Variants in RIMS4 observed in about 807,000 individuals in gnomAD.
RIMS4 encodes the protein regulating synaptic membrane exocytosis protein 4.
Under a neutral mutation model 29.0 loss-of-function variants are expected in RIMS4, and 9 were observed. The observed-to-expected ratio is 0.31, with a 90% CI of 0.19 to 0.54. The LOEUF (loss-of-function observed/expected upper bound fraction) is 0.54. Ranked by LOEUF, RIMS4 falls within the 20% of genes least tolerant of loss-of-function variation. The probability of loss-of-function intolerance (pLI) is 0.94; values close to 1 mark genes in which losing one functional copy is unlikely to be tolerated. For synonymous variants in RIMS4, 130 were observed against 152.9 expected (o/e 0.85, Z 1.10); for missense variants, 193 against 365.7 (o/e 0.53, Z 3.85).
intron 1 of RIMS4, among the ~76,000 whole-genome samples, chr20:44,790,726 G>T (rs1394778461): frequency 6.6e-6 from 1 of 152,156 alleles, no homozygotes; most frequent in African/African-American, 2.4e-5. Flanking sequence ...CTGCAGGAAG[G>T]AAGTAATCCA....
At chr20:44,799,421 A>T (rs2066268499) in intron 1 of RIMS4, among the ~76,000 whole-genome samples, 1 of 149,060 alleles carries the variant, frequency 6.7e-6, no homozygotes, top group Non-Finnish European at 1.5e-5. Flanking sequence ...GCTGGGCACA[A>T]ATGGTAAGTT....
chr20:44,797,386 G>T (rs1271120587), intron 1 of RIMS4, among the ~76,000 whole-genome samples: 1 of 152,204 alleles, frequency 6.6e-6, no homozygotes, highest in East Asian at 1.9e-4. Context: ...GAAGCAGCTT[G>T]CTGAGTTCTG....
chr20:44,794,144 G>A (rs1377395732), intron 1 of RIMS4, among the ~76,000 whole-genome samples: 1 of 152,224 alleles, frequency 6.6e-6, no homozygotes, highest in Non-Finnish European at 1.5e-5. Context: ...AATGGGTCAT[G>A]AGAAAACTCA....
At chr20:44,808,711 G>A (rs2145484169) in intron 1 of RIMS4, among the ~76,000 whole-genome samples, 1 of 152,212 alleles carries the variant, frequency 6.6e-6, no homozygotes, top group South Asian at 2.1e-4. Flanking sequence ...AGGTCTATTG[G>A]GGATCTGCCT....
intron 1 of RIMS4, among the ~76,000 whole-genome samples, chr20:44,795,632 CA>C (rs777084437): frequency 2.7e-4 from 39 of 143,572 alleles, no homozygotes; most frequent in Admixed American, 3.5e-4. Context: ...ACTCCATCTC[CA>C]AAAAAAAAAA....
rs1421494209 is a variant in RIMS4, at chr20:44,754,827, A to G, written c.*1307T>C. 6.5e-6 allele frequency: 1 copy of G among 152,684 alleles called. No individual in the cohort carries two copies. The highest frequency in any genetic ancestry group is 1.5e-5 in the Non-Finnish European group (1 of 68,098). 9.5% of individuals were successfully genotyped at this position (152,684 alleles called of 1,614,324 possible). A position where few individuals can be genotyped will look rare whatever the true frequency, so the allele number is the denominator to read the frequency against. On this transcript the variant is annotated 3_prime_UTR_variant, in exon 6 of 6. Transcript: ENST00000372851. ...AGCTAACCTGGACTACGCCCTACAC[A>G]GCAGGGACTAGGTAAAGAGTGGCAG...
At chr20:44,767,995 G>A (rs760946184) in intron 2 of RIMS4, among the ~76,000 whole-genome samples, 1 of 152,224 alleles carries the variant, frequency 6.6e-6, no homozygotes, top group Non-Finnish European at 1.5e-5. Context: ...TTTCTGGGCT[G>A]TGGATCACAC....
At chr20:44,783,490 G>C (rs2066193952) in intron 1 of RIMS4, among the ~76,000 whole-genome samples, 1 of 152,088 alleles carries the variant, frequency 6.6e-6, no homozygotes, top group Non-Finnish European at 1.5e-5. Context: ...GGGCTGTGGT[G>C]GTGTGTGTCT....
At position 44,757,763 on chromosome 20, in the gene RIMS4, C is replaced by T. The variant is rs865788436; in HGVS notation, c.358G>A (p.Glu120Lys). ...CCGTTCCGCTCCTGCAGACCGATCTCCACATCCCCTGGAAGAGGCACCAAG... is the reference window on the plus strand; with the variant it reads ...CCGTTCCGCTCCTGCAGACCGATCTTCACATCCCCTGGAAGAGGCACCAAG... ...TLATTPMGDV[E>K]IGLQERNGQL... The change falls in exon 4 of 6, where the codon GAG becomes AAG. Residue 120 changes from glutamate to lysine, a missense_variant. Glu to Lys is a moderately conservative substitution (Grantham distance 56). Coordinates refer to ENST00000372851, the MANE Select transcript of RIMS4 (RefSeq NM_182970.4). The T allele has an allele frequency of 6.2e-7, 1 of 1,613,614 alleles. No homozygotes were observed. Among genetic ancestry groups the T allele is most frequent in the African/African-American group, 1.3e-5 (1 of 74,882 alleles).
chr20:44,798,375 T>C (rs532437149), intron 1 of RIMS4, among the ~76,000 whole-genome samples: 36 of 152,320 alleles, frequency 2.4e-4, no homozygotes, highest in African/African-American at 7.9e-4. Context: ...CAGAAGTCCA[T>C]CCAGATGCTC....
At position 44,754,846 on chromosome 20, in the gene RIMS4, G is replaced by A. The variant is rs2066051575; in HGVS notation, c.*1288C>T. The A allele has an allele frequency of 6.5e-6, 1 of 152,678 alleles. No homozygotes were observed. 9.5% of individuals were successfully genotyped at this position (152,678 alleles called of 1,614,324 possible). ...CTACACAGCAGGGACTAGGTAAAGA[G>A]TGGCAGGCTTCTGGGTGCCTCCCAG... On this transcript the variant is annotated 3_prime_UTR_variant, in exon 6 of 6. Transcript: ENST00000372851.
At chr20:44,764,517 T>C (rs2066105474) in intron 2 of RIMS4, among the ~76,000 whole-genome samples, 1 of 152,160 alleles carries the variant, frequency 6.6e-6, no homozygotes, top group African/African-American at 2.4e-5. Flanking sequence ...ACCTGCAGTT[T>C]GCTTGTGGAA....
intron 4 of RIMS4, 136 bp from the exon 5 acceptor site, chr20:44,757,173 A>C: frequency 1.0e-6 from 1 of 955,380 alleles, no homozygotes. Context: ...ACGCACCAGG[A>C]CACATGGGGG....
At chr20:44,779,087 C>A (rs73288428) in intron 1 of RIMS4, among the ~76,000 whole-genome samples, 5,561 of 152,274 alleles carry the variant, frequency 0.037, 332 homozygotes, top group African/African-American at 0.12. Context: ...ATTTACATTT[C>A]CATTTCCCTA....
intron 3 of RIMS4, 109 bp from the exon 4 acceptor site, chr20:44,757,880 C>T (rs2066067587): frequency 9.1e-7 from 1 of 1,094,982 alleles, no homozygotes; most frequent in South Asian, 1.3e-5. Flanking sequence ...TGCTCCCAGC[C>T]CAGAATAAGA....
At chr20:44,759,843 T>C (rs563913846) in intron 2 of RIMS4, among the ~76,000 whole-genome samples, 3 of 152,310 alleles carry the variant, frequency 2.0e-5, no homozygotes, top group African/African-American at 7.2e-5. Context: ...CCATTTGAAG[T>C]CCCCCAGTGT....
chr20:44,782,626 A>G (rs1246185801), intron 1 of RIMS4, among the ~76,000 whole-genome samples: 1 of 152,184 alleles, frequency 6.6e-6, no homozygotes, highest in Admixed American at 6.5e-5. Context: ...CCACGAACTC[A>G]TCTGGGACCC....
Position 44,753,288 on chromosome 20 carries a change from CA to C in RIMS4, c.*2845del, listed in dbSNP as rs1369599159. On this transcript the variant is annotated 3_prime_UTR_variant, in exon 6 of 6. Coordinates refer to ENST00000372851, the MANE Select transcript of RIMS4 (RefSeq NM_182970.4). ...ACCTCATACTGCCCTGGCTCCGGCT[CA>C]GCCTCTATTGGGAGGAGGGGACCCA... 6.6e-6 allele frequency: 1 copy of C among 152,636 alleles called. No homozygotes were observed. The highest frequency in any genetic ancestry group is 2.4e-5 in the African/African-American group (1 of 41,456). The allele number at this position is 152,636 out of a possible 1,614,324, so 9.5% of individuals were successfully genotyped here. A position where few individuals can be genotyped will look rare whatever the true frequency, so the allele number is the denominator to read the frequency against.
intron 1 of RIMS4, among the ~76,000 whole-genome samples, chr20:44,776,140 G>A (rs905420170): frequency 1.1e-4 from 17 of 151,962 alleles, no homozygotes; most frequent in Admixed American, 2.6e-4. Flanking sequence ...AAAATTAGCC[G>A]GGCATGGTGG....
Sources: allele counts gnomAD v4.1 joint callset (sites outside exome capture counted in the v4.1 genomes callset), GRCh38; gene constraint gnomAD v4.1.1; transcripts MANE v1.5; gene names NCBI Gene and HGNC (gene_info 2026-07-23, HGNC 2026-07-21).